AJAP1: variants seen among roughly 807,000 people sequenced by gnomAD.
AJAP1 encodes adherens junctions associated protein 1, also known as adherens junction-associated protein 1.
A neutral mutation model predicts 35.0 loss-of-function variants in AJAP1; 5 were observed. The observed-to-expected ratio is 0.14, with a 90% CI of 0.07 to 0.30. The LOEUF is 0.30. Ranked by LOEUF, AJAP1 falls within the 10% of genes least tolerant of loss-of-function variation. The pLI, the probability that AJAP1 is intolerant of heterozygous loss-of-function variation, is 1.00. For synonymous variants in AJAP1, 284 were observed against 249.3 expected (o/e 1.14, Z -1.31); for missense variants, 586 against 571.0 (o/e 1.03, Z -0.27).
At position 4,692,174 on chromosome 1, in the gene AJAP1, A is replaced by T. The variant is rs1412954065; in HGVS notation, c.30-19726A>T. 1.3e-5 allele frequency among the ~76,000 whole-genome samples: 2 copies of T among 152,132 alleles called. No individual in the cohort carries two copies. The highest frequency in any genetic ancestry group is 2.9e-5 in the Non-Finnish European group (2 of 68,018). On this transcript the variant is annotated intron_variant, in intron 1 of 5. Transcript: ENST00000378191. The surrounding 1 kb of genome is among the most constrained non-coding windows in gnomAD (Gnocchi z 4.4). The stretch of plus-strand genomic sequence containing the variant: ...GAGGGTTAGGAGTCAGCCCCGCTTA[A>T]TAGGTGAGGAAACTTAGGCACAGAG...
chr1:4,684,483 T>G (rs1639562353), intron 1 of AJAP1, among the ~76,000 whole-genome samples: 1 of 152,152 alleles, frequency 6.6e-6, no homozygotes, highest in South Asian at 2.1e-4. Flanking sequence ...GTGGCCAGCC[T>G]GGCCACCTGG....
At chr1:4,780,202 G>T (rs958202055) in intron 5 of AJAP1, among the ~76,000 whole-genome samples, 2 of 150,408 alleles carry the variant, frequency 1.3e-5, no homozygotes, top group Non-Finnish European at 2.9e-5. Flanking sequence ...TGGCATGAGT[G>T]CCTTTACCGT....
At chr1:4,727,488 G>A (rs1640692375) in intron 2 of AJAP1, among the ~76,000 whole-genome samples, 1 of 152,236 alleles carries the variant, frequency 6.6e-6, no homozygotes, top group South Asian at 2.1e-4. Flanking sequence ...TGTGTCTGTA[G>A]CACTTGGTCA....
chr1:4,725,049 G>C (rs2100289041), intron 2 of AJAP1, among the ~76,000 whole-genome samples: 1 of 152,320 alleles, frequency 6.6e-6, no homozygotes, highest in East Asian at 1.9e-4. Context: ...TGTGCCCAGA[G>C]CGAGCAATGA....
At chr1:4,698,931 C>T (rs1029593972) in intron 1 of AJAP1, among the ~76,000 whole-genome samples, 2 of 152,178 alleles carry the variant, frequency 1.3e-5, no homozygotes, top group Non-Finnish European at 2.9e-5. Flanking sequence ...GGGTTGCAGG[C>T]AGCTAAGGGG....
intron 2 of AJAP1, 56 bp downstream of exon 2, chr1:4,712,755 G>T: frequency 2.7e-6 from 4 of 1,467,506 alleles, no homozygotes; most frequent in South Asian, 2.9e-5. Context: ...CTGGGAGCGT[G>T]ACTCGGGAGA....
At position 4,775,003 on chromosome 1, in the gene AJAP1, G is replaced by A. The variant is rs756926672; in HGVS notation, c.*59+445G>A. ...ACATGTCTTTACATCGGGGGAGGGC[G>A]CAAGGCAGAATTAAAATACAATTTT... On this transcript the variant is annotated intron_variant, in intron 5 of 5. Coordinates refer to ENST00000378191, the MANE Select transcript of AJAP1 (RefSeq NM_018836.4). Among the ~76,000 whole-genome samples the A allele has an allele frequency of 3.3e-5, 5 of 152,222 alleles. No homozygotes were observed. The East Asian group carries it at 7.7e-4, about 24-fold the overall frequency.
chr1:4,767,373 C>T (rs947312623), intron 2 of AJAP1, among the ~76,000 whole-genome samples: 1 of 151,942 alleles, frequency 6.6e-6, no homozygotes. Context: ...TTATTACCAT[C>T]GTCACCATCA....
chr1:4,660,049 C>T (rs745807172), intron 1 of AJAP1, among the ~76,000 whole-genome samples: 18 of 152,240 alleles, frequency 1.2e-4, no homozygotes, highest in Non-Finnish European at 1.9e-4. Context: ...ATGGGGCAGC[C>T]CTGTTCTGCA....
rs1426611654 is a variant in AJAP1, at chr1:4,712,157, C to T, written c.287C>T (p.Pro96Leu). Residue 96 changes from proline (P) to leucine (L), a missense_variant, in exon 2 of 6, where the codon CCT becomes CTT. Transcript: ENST00000378191. ...VERIHGQMQM[P>L]RARRAHRPRD... Reference sequence around the variant, plus strand: ...CGGATCCACGGGCAGATGCAGATGCCTCGAGCCAGACGGGCCCACAGGCCC... The same window carrying T: ...CGGATCCACGGGCAGATGCAGATGCTTCGAGCCAGACGGGCCCACAGGCCC... 1 of 1,565,608 alleles carries T rather than the reference C, an allele frequency of 6.4e-7. No individual in the cohort carries two copies. Among genetic ancestry groups the T allele is most frequent in the Non-Finnish European group, 8.6e-7 (1 of 1,161,698 alleles).
chr1:4,765,141 A>C, intron 2 of AJAP1, among the ~76,000 whole-genome samples: 1 of 152,248 alleles, frequency 6.6e-6, no homozygotes, highest in East Asian at 1.9e-4. Flanking sequence ...AACACCTGTC[A>C]GGAAGGGGAA....
chr1:4,666,300 T>C (rs1159275902), intron 1 of AJAP1, among the ~76,000 whole-genome samples: 1 of 151,864 alleles, frequency 6.6e-6, no homozygotes, highest in African/African-American at 2.4e-5. Flanking sequence ...CCCTTAGGAG[T>C]TGGGTCTGTG....
At chr1:4,657,811 T>C (rs1412770921) in intron 1 of AJAP1, among the ~76,000 whole-genome samples, 1 of 151,524 alleles carries the variant, frequency 6.6e-6, no homozygotes, top group Non-Finnish European at 1.5e-5. Context: ...GAGCTGTATG[T>C]GGAGCTTTTT....
At chr1:4,661,209 T>G (rs534065802) in intron 1 of AJAP1, among the ~76,000 whole-genome samples, 25 of 152,192 alleles carry the variant, frequency 1.6e-4, no homozygotes, top group Non-Finnish European at 3.2e-4. Context: ...GTCTGTGAAC[T>G]TCTGAGATAT....
intron 1 of AJAP1, among the ~76,000 whole-genome samples, chr1:4,663,057 G>A (rs902312943): frequency 6.6e-5 from 10 of 152,188 alleles, no homozygotes; most frequent in African/African-American, 2.4e-4. Context: ...CCTTCCCAGG[G>A]GGGCAGTGGG....
At chr1:4,696,940 T>G (rs370399503) in intron 1 of AJAP1, among the ~76,000 whole-genome samples, 75 of 152,010 alleles carry the variant, frequency 4.9e-4, no homozygotes, top group African/African-American at 1.7e-3. Flanking sequence ...CGTGTGTGTC[T>G]CTGCATGTTC....
At chr1:4,758,741 C>G (rs1339516475) in intron 2 of AJAP1, among the ~76,000 whole-genome samples, 1 of 152,156 alleles carries the variant, frequency 6.6e-6, no homozygotes, top group African/African-American at 2.4e-5. Context: ...ACGATCCCAC[C>G]CAACCCTGTG....
chr1:4,726,958 C>T (rs1640676451), intron 2 of AJAP1, among the ~76,000 whole-genome samples: 1 of 152,204 alleles, frequency 6.6e-6, no homozygotes, highest in African/African-American at 2.4e-5. Context: ...CCTCTGTGTC[C>T]TCACTGTGGC....
rs74051950 is a variant in AJAP1 at position 4,714,316 on chromosome 1, G to A, written c.829+1617G>A. Among the ~76,000 whole-genome samples, 331 of 152,262 alleles carry A rather than the reference G, an allele frequency of 2.2e-3. 1 individual carries two copies. The highest frequency in any genetic ancestry group is 7.5e-3 in the African/African-American group (313 of 41,554). ...CTCTTTTGGGAATCCACGGACATGC[G>A]GGGTCTGCAGCTCATCCTGCACTGT... is the stretch of plus-strand genomic sequence containing the variant. On this transcript the variant is annotated intron_variant, in intron 2 of 5. Coordinates refer to ENST00000378191, the MANE Select transcript of AJAP1 (RefSeq NM_018836.4).
Sources: gnomAD v4.1 joint callset for allele counts (sites outside exome capture counted in the v4.1 genomes callset) on GRCh38, gnomAD v4.1.1 for gene constraint, Gnocchi (gnomAD v3.1) non-coding constraint, MANE v1.5 for transcripts, NCBI Gene and HGNC (gene_info 2026-07-23, HGNC 2026-07-21) for gene names.